Variants in PLPP1 observed in about 807,000 individuals in gnomAD.
The protein encoded by PLPP1 is lipid phosphate phosphohydrolase 1a.
PLPP1 carries 24 observed loss-of-function variants against 31.2 expected under a neutral mutation model. The ratio of observed to expected loss-of-function variants is 0.77; its 90% confidence interval spans 0.56 to 1.08. The LOEUF is 1.08. PLPP1 is among the 50% of genes least tolerant of loss of function. The pLI is 0.00. For missense variants in PLPP1, 319 were observed against 342.7 expected, an observed-to-expected ratio of 0.93 and a Z score of 0.55; for synonymous variants, 146 against 126.3, an observed-to-expected ratio of 1.16 and a Z score of -1.05.
chr5:55,507,562 C>T (rs557738015), intron 1 of PLPP1, among the ~76,000 whole-genome samples: 10 of 152,192 alleles, frequency 6.6e-5, no homozygotes, highest in African/African-American at 2.4e-4. Flanking sequence ...TTAACCCCCA[C>T]CTTATGCCAC....
intron 3 of PLPP1, among the ~76,000 whole-genome samples, chr5:55,466,757 C>T (rs1009114923): frequency 5.3e-5 from 8 of 151,804 alleles, no homozygotes; most frequent in African/African-American, 1.2e-4. Flanking sequence ...AGCAGGCCCA[C>T]GTTGCTTTCA....
chr5:55,432,033 C>G (rs1468546567), intron 4 of PLPP1, among the ~76,000 whole-genome samples: 1 of 151,944 alleles, frequency 6.6e-6, no homozygotes, highest in African/African-American at 2.4e-5. Context: ...GTGATCCTCC[C>G]GTCTCAGTCT....
At chr5:55,485,770 C>T (rs1412490247) in intron 1 of PLPP1, among the ~76,000 whole-genome samples, 1 of 152,068 alleles carries the variant, frequency 6.6e-6, no homozygotes, top group Non-Finnish European at 1.5e-5. Context: ...TTCTCCCTCT[C>T]AATATATTAC....
chr5:55,465,487 G>A (rs1345137818), intron 3 of PLPP1, among the ~76,000 whole-genome samples: 2 of 152,096 alleles, frequency 1.3e-5, no homozygotes, highest in African/African-American at 4.8e-5. Flanking sequence ...TGGCTTCCCC[G>A]CACCACACTG....
intron 1 of PLPP1, among the ~76,000 whole-genome samples, chr5:55,524,125 G>A (rs1443611649): frequency 1.3e-5 from 2 of 152,176 alleles, no homozygotes; most frequent in East Asian, 3.8e-4. Flanking sequence ...AAAACAATTT[G>A]AGTTTAACAT....
At chr5:55,518,619 T>C (rs16884281) in intron 1 of PLPP1, among the ~76,000 whole-genome samples, 8,113 of 152,260 alleles carry the variant, frequency 0.053, 236 homozygotes, top group Middle Eastern at 0.075. Flanking sequence ...TCTTCAACTT[T>C]TTCCTATTTT....
At chr5:55,474,186 G>A (rs778607275) in intron 2 of PLPP1, among the ~76,000 whole-genome samples, 30 of 151,638 alleles carry the variant, frequency 2.0e-4, no homozygotes, top group Non-Finnish European at 2.9e-4. Flanking sequence ...TAGTAGAGAC[G>A]GGGTTTCACC....
intron 1 of PLPP1, among the ~76,000 whole-genome samples, chr5:55,480,790 T>C (rs1289768672): frequency 1.3e-5 from 2 of 152,214 alleles, no homozygotes; most frequent in African/African-American, 2.4e-5. Flanking sequence ...TCATTTCTAA[T>C]GGGTAGATAC....
At chr5:55,530,864 C>A (rs577471655) in intron 1 of PLPP1, among the ~76,000 whole-genome samples, 5 of 152,224 alleles carry the variant, frequency 3.3e-5, no homozygotes, top group Non-Finnish European at 7.3e-5. Flanking sequence ...GCGGAGAGGT[C>A]CTCAGCCATG....
At chr5:55,453,179 T>C (rs1751930390) in intron 3 of PLPP1, among the ~76,000 whole-genome samples, 1 of 152,198 alleles carries the variant, frequency 6.6e-6, no homozygotes, top group South Asian at 2.1e-4. Context: ...TCAGTTTAAA[T>C]GGCTTCACAA....
intron 4 of PLPP1, among the ~76,000 whole-genome samples, chr5:55,441,531 G>A (rs568397916): frequency 6.6e-6 from 1 of 152,298 alleles, no homozygotes; most frequent in South Asian, 2.1e-4. Context: ...GCTGCTGTTC[G>A]CCCACACTGA....
intron 1 of PLPP1, among the ~76,000 whole-genome samples, chr5:55,502,928 A>C (rs1304116090): frequency 6.6e-6 from 1 of 152,166 alleles, no homozygotes; most frequent in Non-Finnish European, 1.5e-5. Context: ...TTCTCTTTTC[A>C]GGCAATGACG....
intron 2 of PLPP1, among the ~76,000 whole-genome samples, chr5:55,474,347 C>T (rs1455208571): frequency 3.9e-5 from 6 of 152,102 alleles, no homozygotes; most frequent in Non-Finnish European, 7.4e-5. Flanking sequence ...AAGTTATGGT[C>T]AGCAGAGCCA....
chr5:55,469,663 T>G (rs1272300796), intron 2 of PLPP1, among the ~76,000 whole-genome samples: 2 of 152,188 alleles, frequency 1.3e-5, no homozygotes, highest in African/African-American at 4.8e-5. Context: ...TTATAAAGCA[T>G]TCAAACATTT....
rs536741170 is a variant in PLPP1 at position 55,530,464 on chromosome 5, T to G, written c.58+4108A>C. The G allele has an allele frequency of 1.6e-4, 200 of 1,240,830 alleles. 1 individual carries two copies. The highest frequency in any genetic ancestry group is 2.1e-4 in the Middle Eastern group (1 of 4,690). 76.9% of individuals were successfully genotyped at this position (1,240,830 alleles called of 1,614,324 possible). On this transcript the variant is annotated intron_variant, in intron 1 of 5. Transcript: ENST00000307259. ...GAAGAACTTGTATTCTCTTGGTAAG[T>G]TTCTGTGTTATCAGATGTGGATGTT... is the stretch of plus-strand genomic sequence containing the variant.
intron 5 of PLPP1, 121 bp downstream of exon 5, chr5:55,425,742 G>GAGATTC: frequency 1.1e-6 from 1 of 910,812 alleles, no homozygotes; most frequent in Non-Finnish European, 1.6e-6. Flanking sequence ...TAATAACATT[G>GAGATTC]AGATTCTTGC....
intron 1 of PLPP1, among the ~76,000 whole-genome samples, chr5:55,488,944 G>A (rs550736218): frequency 7.9e-5 from 12 of 152,130 alleles, no homozygotes; most frequent in Middle Eastern, 3.4e-3. Context: ...CAGGAGAATC[G>A]CTTGAACCCG....
chr5:55,483,357 T>C (rs1038859936), intron 1 of PLPP1, among the ~76,000 whole-genome samples: 8 of 151,870 alleles, frequency 5.3e-5, no homozygotes, highest in African/African-American at 1.7e-4. Context: ...ACAACATCAG[T>C]TGAAAAGGAT....
Position 55,448,290 on chromosome 5 carries a change from T to C in PLPP1, c.492-6382A>G, listed in dbSNP as rs547718231. ...GAATGAGAAAATGAGCACTCTCATA[T>C]TGCACACTTTCTGGAGGATGGTTTG... On this transcript the variant is annotated intron_variant, in intron 3 of 5. Transcript: ENST00000307259. Among the ~76,000 whole-genome samples the C allele has an allele frequency of 4.6e-5, 7 of 152,282 alleles. No homozygotes were observed. The South Asian group carries it at 1.5e-3, about 32-fold the overall frequency.
Sources: gnomAD v4.1 joint callset for allele counts (sites outside exome capture counted in the v4.1 genomes callset) on GRCh38, gnomAD v4.1.1 for gene constraint, MANE v1.5 for transcripts, NCBI Gene and HGNC (gene_info 2026-07-23, HGNC 2026-07-21) for gene names.